NLGN4X: variants seen among roughly 807,000 people sequenced by gnomAD.
NLGN4X encodes neuroligin-4, X-linked.
NLGN4X carries 3 observed loss-of-function variants against 40.3 expected under a neutral mutation model. The ratio of observed to expected loss-of-function variants is 0.07; its 90% confidence interval spans 0.03 to 0.19. The LOEUF (loss-of-function observed/expected upper bound fraction) is 0.19. Ranked by LOEUF, NLGN4X falls within the 10% of genes least tolerant of loss-of-function variation. The probability of loss-of-function intolerance (pLI) is 1.00; values close to 1 mark genes in which losing one functional copy is unlikely to be tolerated. For synonymous variants in NLGN4X, 270 were observed against 306.8 expected, an observed-to-expected ratio of 0.88 and a Z score of 1.25; for missense variants, 382 against 708.3, an observed-to-expected ratio of 0.54 and a Z score of 5.23.
intron 2 of NLGN4X, among the ~76,000 whole-genome samples, chrX:6,124,784 T>G (rs777219237): frequency 8.9e-6 from 1 of 112,061 alleles, no homozygotes; most frequent in Non-Finnish European, 1.9e-5. Flanking sequence ...AAACACACAT[T>G]CTCACATATA....
chrX:6,139,978 T>TAA (rs752197447), intron 2 of NLGN4X, among the ~76,000 whole-genome samples: 3 of 111,918 alleles, frequency 2.7e-5, no homozygotes, highest in Non-Finnish European at 5.6e-5. Context: ...GACTGGAGGC[T>TAA]AAAGTCCATA....
Position 6,179,099 on chromosome X carries a change from A to AAAGGAAGG in NLGN4X, c.-305-27336_-305-27329dup, listed in dbSNP as rs750508795. Among the ~76,000 whole-genome samples, 30 of 78,193 alleles carry AAAGGAAGG rather than the reference A, an allele frequency of 3.8e-4. 2 individuals are homozygous for AAAGGAAGG. The highest frequency in any genetic ancestry group is 6.1e-4 in the South Asian group (1 of 1,643). 67.9% of individuals were successfully genotyped at this position (78,193 alleles called of 115,157 possible). A position where few individuals can be genotyped will look rare whatever the true frequency, so the allele number is the denominator to read the frequency against. ...GAGCGACAAAGCAAGACCCTGAAAA[A>AAAGGAAGG]AAGGAAGGAAGGAAGGAAGGAAGGA... is the stretch of plus-strand genomic sequence containing the variant. On this transcript the variant is annotated intron_variant, in intron 1 of 5. Transcript: ENST00000381095.
At chrX:5,897,267 C>T (rs1376015184) in intron 5 of NLGN4X, among the ~76,000 whole-genome samples, 2 of 111,691 alleles carry the variant, frequency 1.8e-5, no homozygotes, top group African/African-American at 3.3e-5. Flanking sequence ...TTCCCCACTC[C>T]TTTTTGTCCA....
intron 1 of NLGN4X, among the ~76,000 whole-genome samples, chrX:6,181,317 T>C (rs1228046748): frequency 9.0e-6 from 1 of 111,684 alleles, no homozygotes; most frequent in Non-Finnish European, 1.9e-5. Flanking sequence ...CATGAATACG[T>C]AGATTTAAAA....
intron 1 of NLGN4X, among the ~76,000 whole-genome samples, chrX:6,224,648 T>C (rs1412303753): frequency 1.8e-5 from 2 of 110,838 alleles, no homozygotes; most frequent in Non-Finnish European, 3.8e-5. Context: ...CAGTCCCTTA[T>C]CAAGTATCTG....
chrX:5,932,207 A>G (rs1246673120), intron 3 of NLGN4X, among the ~76,000 whole-genome samples: 4 of 111,485 alleles, frequency 3.6e-5, no homozygotes, highest in Non-Finnish European at 5.6e-5. Context: ...TCCTTTAGAG[A>G]GTTTAAAGCC....
At chrX:6,171,238 A>T (rs2040600144) in intron 1 of NLGN4X, among the ~76,000 whole-genome samples, 1 of 111,670 alleles carries the variant, frequency 9.0e-6, no homozygotes, top group Non-Finnish European at 1.9e-5. Context: ...GGAGACAACA[A>T]CAACTTCACA....
chrX:6,156,037 C>T (rs2040255819), intron 1 of NLGN4X, among the ~76,000 whole-genome samples: 1 of 112,283 alleles, frequency 8.9e-6, no homozygotes, highest in Non-Finnish European at 1.9e-5. Flanking sequence ...CTAGCAATCA[C>T]ATTACTGGGT....
At position 6,067,114 on chromosome X, in the gene NLGN4X, C is replaced by CG. The variant is rs199691886; in HGVS notation, c.473-37683_473-37682insC. ...ACAGAGTGAGATACAGTCCCCCCCCCAAAACAAAATTAAATAAAACATATA... is the reference window on the plus strand; with the variant it reads ...ACAGAGTGAGATACAGTCCCCCCCCCGAAAACAAAATTAAATAAAACATATA... On this transcript the variant is annotated intron_variant, in intron 2 of 5. Coordinates refer to ENST00000381095, the MANE Select transcript of NLGN4X (RefSeq NM_181332.3). 2.1e-3 allele frequency among the ~76,000 whole-genome samples: 225 copies of CG among 109,479 alleles called. 2 individuals are homozygous for CG. Among genetic ancestry groups the CG allele is most frequent in the African/African-American group, 7.0e-3 (210 of 30,080 alleles).
intron 2 of NLGN4X, among the ~76,000 whole-genome samples, chrX:6,090,955 A>G (rs115880921): frequency 0.016 from 1,728 of 109,148 alleles, 35 homozygotes; most frequent in African/African-American, 0.054. Flanking sequence ...TTTGTAGGAA[A>G]AAGAGAGAGG....
intron 3 of NLGN4X, among the ~76,000 whole-genome samples, chrX:5,977,959 C>T (rs2035225437): frequency 8.9e-6 from 1 of 111,990 alleles, no homozygotes; most frequent in African/African-American, 3.2e-5. Context: ...GAGAAAGAAC[C>T]CTCTCTTTGA....
intron 1 of NLGN4X, among the ~76,000 whole-genome samples, chrX:6,176,229 T>G (rs928067927): frequency 6.3e-5 from 7 of 111,915 alleles, no homozygotes; most frequent in Admixed American, 5.7e-4. Flanking sequence ...CATTGAACCT[T>G]CAGGGGGCCA....
At chrX:5,973,674 T>A (rs954708502) in intron 3 of NLGN4X, among the ~76,000 whole-genome samples, 9 of 110,377 alleles carry the variant, frequency 8.2e-5, no homozygotes, top group Admixed American at 1.9e-4. Context: ...TACAAAAAAA[T>A]TAGCCGGGTG....
At chrX:5,995,375 G>T (rs2035792010) in intron 3 of NLGN4X, among the ~76,000 whole-genome samples, 1 of 112,466 alleles carries the variant, frequency 8.9e-6, no homozygotes, top group South Asian at 3.7e-4. Flanking sequence ...GGAGCATTTT[G>T]GTTATTTCTG....
At chrX:6,133,352 C>T (rs985257487) in intron 2 of NLGN4X, among the ~76,000 whole-genome samples, 3 of 111,740 alleles carry the variant, frequency 2.7e-5, no homozygotes, top group Non-Finnish European at 5.6e-5. Flanking sequence ...TAAAGATCTA[C>T]GGCTAATAAT....
At chrX:6,067,110 C>CA (rs1415158528) in intron 2 of NLGN4X, among the ~76,000 whole-genome samples, 1 of 109,053 alleles carries the variant, frequency 9.2e-6, no homozygotes, top group Non-Finnish European at 1.9e-5. Flanking sequence ...TACAGTCCCC[C>CA]CCCCAAAACA....
chrX:5,982,997 G>A (rs1050933511), intron 3 of NLGN4X, among the ~76,000 whole-genome samples: 3 of 112,718 alleles, frequency 2.7e-5, no homozygotes, highest in South Asian at 3.7e-4. Flanking sequence ...AACTGTGGGA[G>A]TTCTTGCAGC....
chrX:5,965,537 A>C (rs1255531912), intron 3 of NLGN4X, among the ~76,000 whole-genome samples: 1 of 111,945 alleles, frequency 8.9e-6, no homozygotes, highest in Non-Finnish European at 1.9e-5. Flanking sequence ...TCTAAGAGAG[A>C]CTGTCAAGAC....
At chrX:6,202,338 CTTT>C (rs112598776) in intron 1 of NLGN4X, among the ~76,000 whole-genome samples, 10 of 92,616 alleles carry the variant, frequency 1.1e-4, no homozygotes, top group Non-Finnish European at 6.5e-5. Flanking sequence ...TTTTCATTTT[CTTT>C]TTTTTTTTTT....
Sources: gnomAD v4.1 joint callset for allele counts (sites outside exome capture counted in the v4.1 genomes callset) on GRCh38, gnomAD v4.1.1 for gene constraint, MANE v1.5 for transcripts, NCBI Gene and HGNC (gene_info 2026-07-23, HGNC 2026-07-21) for gene names.